Variants in SGCZ observed in about 807,000 individuals in gnomAD.
SGCZ encodes zeta-sarcoglycan.
In SGCZ, 40 loss-of-function variants were observed where a neutral mutation model predicts 41.3. The observed-to-expected ratio is 0.97, with a 90% CI of 0.75 to 1.26. The LOEUF (loss-of-function observed/expected upper bound fraction) is 1.26, where lower values mean the gene tolerates loss of function less well. SGCZ is among the 50% of genes most tolerant of loss of function. The pLI, the probability that SGCZ is intolerant of heterozygous loss-of-function variation, is 0.00. For synonymous variants in SGCZ, 206 were observed against 137.5 expected, an observed-to-expected ratio of 1.50 and a Z score of -3.49; for missense variants, 552 against 369.8, an observed-to-expected ratio of 1.49 and a Z score of -4.04.
intron 1 of SGCZ, among the ~76,000 whole-genome samples, chr8:14,625,404 T>A (rs564938813): frequency 3.9e-5 from 6 of 152,184 alleles, no homozygotes; most frequent in Non-Finnish European, 8.8e-5. Context: ...ACGTAACTTA[T>A]GATCAAGACT....
chr8:14,396,538 T>G (rs1798925145), intron 2 of SGCZ, among the ~76,000 whole-genome samples: 1 of 152,054 alleles, frequency 6.6e-6, no homozygotes, highest in South Asian at 2.1e-4. Flanking sequence ...ATTAAGTACA[T>G]AAACATGTAA....
At chr8:15,227,961 A>C (rs1467557352) in intron 1 of SGCZ, among the ~76,000 whole-genome samples, 1 of 152,354 alleles carries the variant, frequency 6.6e-6, no homozygotes, top group East Asian at 1.9e-4. Flanking sequence ...GCATGTTATC[A>C]TAAAATGCTG....
intron 1 of SGCZ, among the ~76,000 whole-genome samples, chr8:14,965,878 G>A (rs1249496302): frequency 6.6e-6 from 1 of 151,890 alleles, no homozygotes; most frequent in African/African-American, 2.4e-5. Context: ...ATTAAAATTT[G>A]GAATTAAAAG....
At chr8:15,214,785 G>A (rs529054707) in intron 1 of SGCZ, among the ~76,000 whole-genome samples, 16 of 152,234 alleles carry the variant, frequency 1.1e-4, no homozygotes, top group African/African-American at 2.4e-4. Flanking sequence ...TATCTAGGCC[G>A]CTGATGGTGC....
chr8:14,621,929 C>T (rs982687505), intron 1 of SGCZ, among the ~76,000 whole-genome samples: 2 of 152,032 alleles, frequency 1.3e-5, no homozygotes, highest in Non-Finnish European at 2.9e-5. Flanking sequence ...GATCTCTCCC[C>T]AAACCATACA....
At chr8:14,999,922 G>A (rs10088159) in intron 1 of SGCZ, among the ~76,000 whole-genome samples, 52,608 of 151,990 alleles carry the variant, frequency 0.35, 9,457 homozygotes, top group South Asian at 0.37. Context: ...AGGGTGTTAC[G>A]GGCTGAATGC....
chr8:14,541,830 G>A (rs1334238141), intron 2 of SGCZ, among the ~76,000 whole-genome samples: 1 of 152,122 alleles, frequency 6.6e-6, no homozygotes, highest in African/African-American at 2.4e-5. Context: ...CATTCTAAAT[G>A]GCATGAGATG....
intron 3 of SGCZ, among the ~76,000 whole-genome samples, chr8:14,243,523 C>G (rs192937673): frequency 2.7e-3 from 406 of 152,304 alleles, no homozygotes; most frequent in Non-Finnish European, 4.3e-3. Context: ...TCCTAACTCT[C>G]AGCTTGAAAG....
chr8:14,421,463 G>C (rs1249259961), intron 2 of SGCZ, among the ~76,000 whole-genome samples: 1 of 152,120 alleles, frequency 6.6e-6, no homozygotes, highest in Non-Finnish European at 1.5e-5. Flanking sequence ...CAAATGCAAT[G>C]TTGTGATCTC....
chr8:15,032,031 C>T (rs1286272824), intron 1 of SGCZ, among the ~76,000 whole-genome samples: 2 of 151,938 alleles, frequency 1.3e-5, no homozygotes, highest in Non-Finnish European at 2.9e-5. Flanking sequence ...AGGAGTTTCA[C>T]ATACTCAAAT....
At chr8:15,218,728 T>C (rs1267399280) in intron 1 of SGCZ, among the ~76,000 whole-genome samples, 1 of 152,216 alleles carries the variant, frequency 6.6e-6, no homozygotes, top group Non-Finnish European at 1.5e-5. Flanking sequence ...TAACAATAAC[T>C]GAGTAATAAT....
intron 1 of SGCZ, among the ~76,000 whole-genome samples, chr8:15,077,203 T>A (rs1270013747): frequency 6.6e-6 from 1 of 152,148 alleles, no homozygotes; most frequent in Non-Finnish European, 1.5e-5. Context: ...TTATCAGAAA[T>A]AAGCATTACA....
rs117081613 is a variant in SGCZ, at chr8:14,253,521, T to A, written c.337-15842A>T. 6.1e-4 allele frequency among the ~76,000 whole-genome samples: 93 copies of A among 152,196 alleles called. 1 individual carries two copies. In the East Asian group the frequency reaches 0.016, roughly 27 times the overall value. ...ACCCATTCTTTTCTCTTTTTTGACT[T>A]AACAGAAAATCACTTTTTCTTCAAA... On this transcript the variant is annotated intron_variant, in intron 3 of 7. Transcript: ENST00000382080.
chr8:14,424,855 T>C (rs1037212439), intron 2 of SGCZ, among the ~76,000 whole-genome samples: 8 of 152,208 alleles, frequency 5.3e-5, no homozygotes, highest in Non-Finnish European at 1.2e-4. Context: ...ATATCCTGGC[T>C]GATTTGAACG....
chr8:14,142,324 T>A (rs56867569), intron 5 of SGCZ, among the ~76,000 whole-genome samples: 2,262 of 151,544 alleles, frequency 0.015, 67 homozygotes, highest in African/African-American at 0.053. Context: ...AATAAAAATT[T>A]AAAAAAAAAG....
chr8:14,430,602 A>T (rs1799917003), intron 2 of SGCZ, among the ~76,000 whole-genome samples: 1 of 152,164 alleles, frequency 6.6e-6, no homozygotes, highest in Admixed American at 6.5e-5. Context: ...GGAATGGGGA[A>T]AAGTTGAAAA....
chr8:14,395,775 G>C (rs540899219), intron 2 of SGCZ, among the ~76,000 whole-genome samples: 2 of 152,148 alleles, frequency 1.3e-5, no homozygotes, highest in Non-Finnish European at 2.9e-5. Flanking sequence ...GCAAGTATCA[G>C]GATATAAAAT....
intron 5 of SGCZ, among the ~76,000 whole-genome samples, chr8:14,146,517 T>C (rs1188554095): frequency 1.3e-5 from 2 of 152,090 alleles, no homozygotes; most frequent in Admixed American, 6.5e-5. Context: ...TCACTGGCCA[T>C]AGTAAGTAAA....
intron 1 of SGCZ, among the ~76,000 whole-genome samples, chr8:14,949,914 T>C (rs904783996): frequency 1.3e-5 from 2 of 152,114 alleles, no homozygotes; most frequent in African/African-American, 2.4e-5. Flanking sequence ...AGGTAATTCA[T>C]GTTTAAGACT....
Sources: gnomAD v4.1 joint callset for allele counts (sites outside exome capture counted in the v4.1 genomes callset) on GRCh38, gnomAD v4.1.1 for gene constraint, MANE v1.5 for transcripts, NCBI Gene and HGNC (gene_info 2026-07-23, HGNC 2026-07-21) for gene names.